Variants in PLD5 observed in about 807,000 individuals in gnomAD.
The protein encoded by PLD5 is inactive phospholipase D5.
PLD5 carries 36 observed loss-of-function variants against 61.1 expected under a neutral mutation model. The ratio of observed to expected loss-of-function variants is 0.59; its 90% CI spans 0.45 to 0.78. PLD5 has a LOEUF of 0.78. Among genes scored for constraint, PLD5 ranks in the 30% least tolerant of loss-of-function variants. The probability of loss-of-function intolerance (pLI) is 0.00; values close to 1 mark genes in which losing one functional copy is unlikely to be tolerated. For missense variants in PLD5, 515 were observed against 644.4 expected (o/e 0.80, Z 2.17); for synonymous variants, 243 against 242.8 (o/e 1.00, Z -0.01).
intron 1 of PLD5, among the ~76,000 whole-genome samples, chr1:242,380,854 T>C (rs1232545062): frequency 2.0e-5 from 3 of 152,150 alleles, no homozygotes; most frequent in Non-Finnish European, 4.4e-5. Context: ...TGAGATGTCA[T>C]CTCATGTTAG....
chr1:242,156,393 TATG>T (rs1252028344), intron 5 of PLD5, among the ~76,000 whole-genome samples: 1 of 152,204 alleles, frequency 6.6e-6, no homozygotes, highest in Non-Finnish European at 1.5e-5. Context: ...ATCCTGTCAT[TATG>T]ATGCTAGCTG....
chr1:242,358,854 G>C (rs1043343647), intron 1 of PLD5, among the ~76,000 whole-genome samples: 4 of 152,124 alleles, frequency 2.6e-5, no homozygotes, highest in Admixed American at 6.6e-5. Flanking sequence ...CTTTGGGGCT[G>C]TGTGAAACAT....
At chr1:242,244,493 C>A (rs1356791181) in intron 4 of PLD5, among the ~76,000 whole-genome samples, 1 of 152,170 alleles carries the variant, frequency 6.6e-6, no homozygotes, top group Non-Finnish European at 1.5e-5. Flanking sequence ...CTGAGAAAAA[C>A]AGATTCACAT....
intron 1 of PLD5, among the ~76,000 whole-genome samples, chr1:242,436,063 T>C (rs1258333793): frequency 6.6e-6 from 1 of 152,178 alleles, no homozygotes; most frequent in African/African-American, 2.4e-5. Context: ...AAAGTATTCT[T>C]GTGTCTTACC....
intron 3 of PLD5, among the ~76,000 whole-genome samples, chr1:242,281,615 A>G (rs1358585050): frequency 6.6e-6 from 1 of 152,208 alleles, no homozygotes; most frequent in Non-Finnish European, 1.5e-5. Context: ...CAATCTTACC[A>G]GATAACTTTG....
chr1:242,375,452 C>T (rs1661891734), intron 1 of PLD5, among the ~76,000 whole-genome samples: 1 of 152,104 alleles, frequency 6.6e-6, no homozygotes, highest in Non-Finnish European at 1.5e-5. Context: ...TTACAAGGGC[C>T]AAATGTCCCA....
At chr1:242,408,869 C>T (rs1664385976) in intron 1 of PLD5, among the ~76,000 whole-genome samples, 1 of 152,072 alleles carries the variant, frequency 6.6e-6, no homozygotes, top group African/African-American at 2.4e-5. Context: ...GAGTTCGAGA[C>T]CAGCCTGGCC....
intron 4 of PLD5, among the ~76,000 whole-genome samples, chr1:242,236,655 C>G (rs528233180): frequency 7.7e-4 from 118 of 152,260 alleles, no homozygotes; most frequent in African/African-American, 2.8e-3. Flanking sequence ...TATTCTACAA[C>G]AAAACAGAAT....
chr1:242,374,300 G>T (rs1030932892), intron 1 of PLD5, among the ~76,000 whole-genome samples: 4 of 152,176 alleles, frequency 2.6e-5, no homozygotes, highest in Admixed American at 6.5e-5. Context: ...CGGTAGGCAT[G>T]GTTTACATAT....
At chr1:242,149,251 T>A (rs1664755209) in intron 5 of PLD5, among the ~76,000 whole-genome samples, 1 of 151,960 alleles carries the variant, frequency 6.6e-6, no homozygotes, top group African/African-American at 2.4e-5. Flanking sequence ...CTCAATGTGA[T>A]AATTTTACGG....
chr1:242,377,163 A>G (rs973869634), intron 1 of PLD5: 3 of 1,611,500 alleles, frequency 1.9e-6, no homozygotes, highest in African/African-American at 2.7e-5. Flanking sequence ...TACGATGAAG[A>G]GGTGTCTGGA....
chr1:242,256,869 TTC>T lies in PLD5; in HGVS notation c.607+8466_607+8467del, dbSNP rs1210280714. Among the ~76,000 whole-genome samples the T allele has an allele frequency of 2.2e-5, 3 of 137,590 alleles. No individual in the cohort carries two copies. In the South Asian group the frequency reaches 7.4e-4, roughly 34 times the overall value. The allele number at this position is 137,590 out of a possible 152,430, so 90.3% of individuals were successfully genotyped here. A position where few individuals can be genotyped will look rare whatever the true frequency, so the allele number is the denominator to read the frequency against. ...TGTATCTGCCATCTATCTTCCTATC[TTC>T]TTTCTTTTCTCTCCCTCTTCTTTCT... On this transcript the variant is annotated intron_variant, in intron 4 of 9. Coordinates refer to ENST00000536534, the MANE Select transcript of PLD5 (RefSeq NM_001372062.1). This position sits in a 1 kb window ranked among gnomAD's most constrained non-coding sequence, Gnocchi z 5.7.
At chr1:242,477,616 C>T (rs1298721274) in intron 1 of PLD5, among the ~76,000 whole-genome samples, 5 of 152,100 alleles carry the variant, frequency 3.3e-5, no homozygotes, top group African/African-American at 7.2e-5. Flanking sequence ...GGCTTGGCAG[C>T]GGAGGCAGAG....
chr1:242,459,953 A>G (rs1041063456), intron 1 of PLD5, among the ~76,000 whole-genome samples: 3 of 152,076 alleles, frequency 2.0e-5, no homozygotes, highest in Non-Finnish European at 2.9e-5. Flanking sequence ...CCCTTCCGAG[A>G]ATTTCTGGTC....
chr1:242,428,309 C>A (rs1436968929), intron 1 of PLD5, among the ~76,000 whole-genome samples: 5 of 152,166 alleles, frequency 3.3e-5, no homozygotes, highest in African/African-American at 1.2e-4. Context: ...GGCTTATAAT[C>A]CAATTGTAGA....
rs898210063 is a variant in PLD5 at position 242,383,849 on chromosome 1, A to C, written c.190-35607T>G. Among the ~76,000 whole-genome samples, 120 of 152,166 alleles carry C rather than the reference A, an allele frequency of 7.9e-4. 2 individuals are homozygous for C. Among genetic ancestry groups the C allele is most frequent in the Non-Finnish European group, 2.1e-4 (14 of 68,028 alleles). On this transcript the variant is annotated intron_variant, in intron 1 of 9. Coordinates refer to ENST00000536534, the MANE Select transcript of PLD5 (RefSeq NM_001372062.1). The stretch of plus-strand genomic sequence containing the variant: ...GGAAAAGACCCACTGCATTTTCCTG[A>C]GGTTTCTTCCATGTACTGTTTTTGT...
chr1:242,216,915 T>C (rs1431379668), intron 5 of PLD5, among the ~76,000 whole-genome samples: 1 of 152,204 alleles, frequency 6.6e-6, no homozygotes, highest in Non-Finnish European at 1.5e-5. Flanking sequence ...ACATCTACCA[T>C]CATAAAAATT....
chr1:242,486,412 A>C (rs1455581508), intron 1 of PLD5, among the ~76,000 whole-genome samples: 1 of 152,230 alleles, frequency 6.6e-6, no homozygotes, highest in African/African-American at 2.4e-5. Flanking sequence ...ATATGAACAG[A>C]CACTTCTCAA....
intron 9 of PLD5, among the ~76,000 whole-genome samples, 174 bp downstream of exon 9, chr1:242,100,494 T>G (rs1320955317): frequency 6.6e-6 from 1 of 152,248 alleles, no homozygotes; most frequent in East Asian, 1.9e-4. Context: ...AAGAGATATT[T>G]GAATGATGAG....
Sources: gnomAD v4.1 joint callset for allele counts (sites outside exome capture counted in the v4.1 genomes callset) on GRCh38, gnomAD v4.1.1 for gene constraint, Gnocchi (gnomAD v3.1) non-coding constraint, MANE v1.5 for transcripts, NCBI Gene and HGNC (gene_info 2026-07-23, HGNC 2026-07-21) for gene names.